The following COL4A1 variants were observed in gnomAD, a reference collection of about 807,000 sequenced individuals.
COL4A1 encodes collagen type IV alpha 1 chain.
In COL4A1, 40 loss-of-function variants were observed where a neutral mutation model predicts 216.6. The observed-to-expected ratio is 0.18, with a 90% CI of 0.14 to 0.24. COL4A1 has a LOEUF of 0.24. Among genes scored for constraint, COL4A1 ranks in the 10% least tolerant of loss-of-function variants. The pLI is 1.00. For missense variants in COL4A1, 1,628 were observed against 2,196.8 expected (o/e 0.74, Z 5.18); for synonymous variants, 839 against 810.7 (o/e 1.03, Z -0.59).
chr13:110,221,769 T>G (rs533564372), intron 2 of COL4A1, among the ~76,000 whole-genome samples: 131 of 152,324 alleles, frequency 8.6e-4, no homozygotes, highest in African/African-American at 3.0e-3. Context: ...AGTACTCCGT[T>G]TCAAATATTG....
intron 1 of COL4A1, among the ~76,000 whole-genome samples, chr13:110,248,467 A>G (rs528960140): frequency 3.9e-5 from 6 of 152,316 alleles, no homozygotes; most frequent in African/African-American, 1.4e-4. Flanking sequence ...CGTTGCTCCA[A>G]CTGAGGCAAG....
At chr13:110,192,373 T>C (rs1878673640) in intron 23 of COL4A1, 89 bp from the exon 24 acceptor site, 3 of 1,261,090 alleles carry the variant, frequency 2.4e-6, no homozygotes, top group Non-Finnish European at 3.5e-6. Context: ...AGCATAAAAA[T>C]CTGTATAGGA....
At chr13:110,260,420 G>T (rs77898225) in intron 1 of COL4A1, among the ~76,000 whole-genome samples, 1 of 152,114 alleles carries the variant, frequency 6.6e-6, no homozygotes, top group African/African-American at 2.4e-5. Flanking sequence ...ATGTGGGTGG[G>T]GATACAGTGA....
chr13:110,195,296 A>C (rs1449204442), intron 21 of COL4A1, among the ~76,000 whole-genome samples, 178 bp from the exon 22 acceptor site: 1 of 152,134 alleles, frequency 6.6e-6, no homozygotes, highest in Non-Finnish European at 1.5e-5. Flanking sequence ...TAATCACCAC[A>C]CACCACCCAC....
intron 40 of COL4A1, among the ~76,000 whole-genome samples, chr13:110,173,475 C>T (rs533484140): frequency 6.6e-6 from 1 of 152,122 alleles, no homozygotes; most frequent in East Asian, 1.9e-4. Context: ...TTAAAGCCCA[C>T]CAGTGACAGG....
Position 110,212,490 on chromosome 13 carries a change from G to T in COL4A1, c.325-11C>A, listed in dbSNP as rs1253703820. 2.8e-5 allele frequency: 46 copies of T among 1,614,122 alleles called. No individual in the cohort carries two copies. Among genetic ancestry groups the T allele is most frequent in the Non-Finnish European group, 3.7e-5 (44 of 1,180,054 alleles). ...TTGGCCAGGAATTCCCTGCAATGAA[G>T]AAAGTGAAAATGTAACCCAGGCAGA... On this transcript the variant is annotated splice_polypyrimidine_tract_variant and intron_variant, in intron 5 of 51. Transcript: ENST00000375820.
intron 1 of COL4A1, among the ~76,000 whole-genome samples, chr13:110,287,199 G>A (rs1167906587): frequency 6.6e-6 from 1 of 152,198 alleles, no homozygotes; most frequent in Non-Finnish European, 1.5e-5. Context: ...ATGTGTCAGA[G>A]GGAAGGAACG....
chr13:110,261,720 AG>A (rs1882835811), intron 1 of COL4A1, among the ~76,000 whole-genome samples: 2 of 152,220 alleles, frequency 1.3e-5, no homozygotes, highest in Admixed American at 1.3e-4. Context: ...TGAGCTGCCC[AG>A]GTGGAGACAG....
At chr13:110,150,609 C>T (rs1009799266) in intron 51 of COL4A1, among the ~76,000 whole-genome samples, 165 bp from the exon 52 acceptor site, 1 of 152,228 alleles carries the variant, frequency 6.6e-6, no homozygotes, top group Non-Finnish European at 1.5e-5. Context: ...GTGCAGTGCA[C>T]ACACGGTCCC....
intron 30 of COL4A1, 41 bp downstream of exon 30, chr13:110,179,230 C>A (rs772776394): frequency 1.2e-6 from 2 of 1,613,218 alleles, no homozygotes; most frequent in South Asian, 2.2e-5. Flanking sequence ...ATAAGCACAT[C>A]CTGTCCTCGA....
chr13:110,152,979 T>C (rs1211965706), intron 50 of COL4A1, among the ~76,000 whole-genome samples: 1 of 152,248 alleles, frequency 6.6e-6, no homozygotes, highest in African/African-American at 2.4e-5. Context: ...TCAATTTTTT[T>C]TCTTTAAAAA....
chr13:110,259,545 C>T (rs924109184), intron 1 of COL4A1, among the ~76,000 whole-genome samples: 6 of 152,200 alleles, frequency 3.9e-5, no homozygotes, highest in African/African-American at 1.4e-4. Flanking sequence ...AGACAGGAAA[C>T]TGGCTTAACA....
intron 28 of COL4A1, among the ~76,000 whole-genome samples, chr13:110,181,944 G>C (rs73611419): frequency 0.015 from 2,296 of 152,284 alleles, 62 homozygotes; most frequent in African/African-American, 0.053. Context: ...TGAGGTCTCC[G>C]ATGTCCAGTA....
intron 1 of COL4A1, among the ~76,000 whole-genome samples, chr13:110,300,967 G>A (rs906829116): frequency 4.6e-5 from 7 of 152,190 alleles, no homozygotes; most frequent in African/African-American, 1.7e-4. Context: ...CAGATAAAAT[G>A]AAATGTTTTT....
chr13:110,205,234 G>T, intron 17 of COL4A1, 119 bp downstream of exon 17: 1 of 1,194,154 alleles, frequency 8.4e-7, no homozygotes, highest in Non-Finnish European at 1.2e-6. Flanking sequence ...TTACCCAGAA[G>T]AAGCATAAAT....
At chr13:110,235,444 A>G (rs949046773) in intron 2 of COL4A1, among the ~76,000 whole-genome samples, 1 of 152,132 alleles carries the variant, frequency 6.6e-6, no homozygotes, top group African/African-American at 2.4e-5. Context: ...AGGTCAGGAG[A>G]TCGAGACCTT....
At position 110,200,363 on chromosome 13, in the gene COL4A1, G is replaced by A. The variant is rs1248357164; in HGVS notation, c.1120+491C>T. Among the ~76,000 whole-genome samples the A allele has an allele frequency of 3.9e-5, 6 of 152,336 alleles. No individual in the cohort carries two copies. The East Asian group carries it at 9.7e-4, about 25-fold the overall frequency. On this transcript the variant is annotated intron_variant, in intron 20 of 51. Coordinates refer to ENST00000375820, the MANE Select transcript of COL4A1 (RefSeq NM_001845.6). Reference sequence around the variant, plus strand: ...GAATGACTTCACCCTGAGGAGCCCCGGGGTCCAGGGAGGCAAGGCTGGGGC... The same window carrying A: ...GAATGACTTCACCCTGAGGAGCCCCAGGGTCCAGGGAGGCAAGGCTGGGGC...
chr13:110,192,893 G>C lies in COL4A1; in HGVS notation c.1402C>G (p.Leu468Val), dbSNP rs757163211. 1 of 1,614,030 alleles carries C rather than the reference G, an allele frequency of 6.2e-7. No homozygotes were observed. The highest frequency in any genetic ancestry group is 2.2e-5 in the East Asian group (1 of 44,894). ...GEKGQKGESC[L>V]ICDIDGYRGP... is the part of the protein sequence containing the mutation. ...CGATATCCGTCTATATCACAGATGA[G>C]GCAACTCTCTCCTTTTTGACCTAAA... The change falls in exon 23 of 52, where the codon CTC becomes GTC. Residue 468 changes from leucine to valine, a missense_variant. Physicochemically the swap from Leu to Val is conservative, Grantham distance 32. Coordinates refer to ENST00000375820, the MANE Select transcript of COL4A1 (RefSeq NM_001845.6).
At position 110,207,563 on chromosome 13, in the gene COL4A1, T is replaced by TA. The variant is rs559871433; in HGVS notation, c.694-75dup. ...AGACATGAAAAATTGCAGAGAGAGGTAAAAGCCTAAAATAAAACACCTATT... is the reference window on the plus strand; with the variant it reads ...AGACATGAAAAATTGCAGAGAGAGGTAAAAAGCCTAAAATAAAACACCTATT... On this transcript the variant is annotated intron_variant, in intron 12 of 51. Transcript: ENST00000375820. The surrounding 1 kb of genome is among the most constrained non-coding windows in gnomAD (Gnocchi z 4.4). The TA allele has an allele frequency of 4.6e-5, 55 of 1,184,036 alleles. No homozygotes were observed. Among genetic ancestry groups the TA allele is most frequent in the Non-Finnish European group, 6.7e-5 (53 of 792,244 alleles). 73.3% of individuals were successfully genotyped at this position (1,184,036 alleles called of 1,614,324 possible).
Sources: allele counts gnomAD v4.1 joint callset (sites outside exome capture counted in the v4.1 genomes callset), GRCh38; gene constraint gnomAD v4.1.1; non-coding constraint Gnocchi (gnomAD v3.1); transcripts MANE v1.5; gene names NCBI Gene and HGNC (gene_info 2026-07-23, HGNC 2026-07-21).